Variants in BACH1 observed in about 807,000 individuals in gnomAD.
BACH1 encodes BTB domain and CNC homolog 1.
Under a neutral mutation model 52.9 loss-of-function variants are expected in BACH1, and 35 were observed. The observed-to-expected ratio is 0.66, with a 90% CI of 0.51 to 0.88. The LOEUF (loss-of-function observed/expected upper bound fraction) is 0.88, where lower values mean the gene tolerates loss of function less well. Ranked by LOEUF, BACH1 falls within the 40% of genes least tolerant of loss-of-function variation. The pLI, the probability that BACH1 is intolerant of heterozygous loss-of-function variation, is 0.00. For synonymous variants in BACH1, 321 were observed against 319.6 expected (o/e 1.00, Z -0.05); for missense variants, 808 against 872.6 (o/e 0.93, Z 0.93).
intron 4 of BACH1, among the ~76,000 whole-genome samples, chr21:29,336,331 C>G (rs1039019543): frequency 5.9e-5 from 9 of 152,164 alleles, no homozygotes; most frequent in African/African-American, 2.2e-4. Flanking sequence ...TTTAAACATT[C>G]ACTGGTGTTG....
chr21:29,306,169 A>AGTGTGTGTGTGT lies in BACH1; in HGVS notation c.-61+7247_-61+7258dup, dbSNP rs61571512. Among the ~76,000 whole-genome samples the AGTGTGTGTGTGT allele has an allele frequency of 1.5e-3, 218 of 141,282 alleles. 1 individual carries two copies. Among genetic ancestry groups the AGTGTGTGTGTGT allele is most frequent in the East Asian group, 7.7e-3 (36 of 4,682 alleles). The allele number at this position is 141,282 out of a possible 152,430, so 92.7% of individuals were successfully genotyped here. ...AGTAGGGAGAAGTTGGGTCAGGAAGAGTGTGTGTGTGTGTGTGTGTGTGTG... is the reference window on the plus strand; with the variant it reads ...AGTAGGGAGAAGTTGGGTCAGGAAGAGTGTGTGTGTGTGTGTGTGTGTGTGTGTGTGTGTGTG... On this transcript the variant is annotated intron_variant, in intron 1 of 4. Transcript: ENST00000286800.
At chr21:29,305,079 G>A (rs1288550375) in intron 1 of BACH1, 1 of 151,874 alleles carries the variant, frequency 6.6e-6, no homozygotes, top group Admixed American at 6.5e-5. Context: ...GTTTTTCTGA[G>A]GTGTATCTCA....
intron 2 of BACH1, among the ~76,000 whole-genome samples, chr21:29,324,449 C>T (rs1034576035): frequency 6.6e-6 from 1 of 151,946 alleles, no homozygotes; most frequent in African/African-American, 2.4e-5. Flanking sequence ...CAGTATATTA[C>T]CTCTTAGGAT....
chr21:29,321,523 T>G lies in BACH1; in HGVS notation c.234+9T>G, dbSNP rs1199889424. The G allele has an allele frequency of 1.2e-6, 2 of 1,606,452 alleles. No homozygotes were observed. The highest frequency in any genetic ancestry group is 8.5e-7 in the Non-Finnish European group (1 of 1,174,056). ...TTACTCTTCCAGAAGAGGTGAGAGA[T>G]CCATGTTTTTGGCAATTTTAATCTA... On this transcript the variant is annotated intron_variant, in intron 2 of 4. Coordinates refer to ENST00000286800, the MANE Select transcript of BACH1 (RefSeq NM_001186.4).
chr21:29,342,585 A>G lies in BACH1; in HGVS notation c.1963A>G (p.Lys655Glu). ...CCCACTTTCATTTTTAATTTCTGAA[A>G]AAGATAAAAGTACTCCTGATGGTGA... ...DCPLSFLISE[K>E]DKSTPDGELA... The change falls in exon 5 of 5, where the codon AAA (lysine) becomes GAA (glutamate). Residue 655 changes from lysine (K) to glutamate (E), a missense_variant. Physicochemically the swap from Lys to Glu is moderately conservative, Grantham distance 56. Coordinates refer to ENST00000286800, the MANE Select transcript of BACH1 (RefSeq NM_001186.4). 6.2e-7 allele frequency: 1 copy of G among 1,614,236 alleles called. No individual in the cohort carries two copies. The highest frequency in any genetic ancestry group is 8.5e-7 in the Non-Finnish European group (1 of 1,180,050).
rs1250115670 is a variant in BACH1 at position 29,321,419 on chromosome 21, G to A, written c.139G>A (p.Ala47Thr). The change falls in exon 2 of 5, where the codon GCT (alanine) becomes ACT (threonine). Residue 47 changes from alanine to threonine, a missense_variant. By Grantham distance (58) the Ala-to-Thr change is moderately conservative. Coordinates refer to ENST00000286800, the MANE Select transcript of BACH1 (RefSeq NM_001186.4). ...TIFVEGQRFR[A>T]HRSVLAACSS... ...CTTTGTGGAGGGACAGCGGTTCCGCGCTCACCGGTCCGTGCTGGCGGCATG... is the reference window on the plus strand; with the variant it reads ...CTTTGTGGAGGGACAGCGGTTCCGCACTCACCGGTCCGTGCTGGCGGCATG... 1.9e-6 allele frequency: 3 copies of A among 1,614,070 alleles called. No individual in the cohort carries two copies. The highest frequency in any genetic ancestry group is 2.5e-6 in the Non-Finnish European group (3 of 1,180,036).
At chr21:29,313,732 C>T (rs1045006633) in intron 1 of BACH1, among the ~76,000 whole-genome samples, 20 of 152,044 alleles carry the variant, frequency 1.3e-4, no homozygotes, top group African/African-American at 4.3e-4. Context: ...ATATGTGATT[C>T]TATTTGTATA....
intron 2 of BACH1, among the ~76,000 whole-genome samples, chr21:29,325,828 A>G (rs543627629): frequency 3.9e-5 from 6 of 152,332 alleles, no homozygotes; most frequent in African/African-American, 1.4e-4. Context: ...TTCATGTGCA[A>G]TTAAGAGAGG....
At position 29,342,857 on chromosome 21, in the gene BACH1, C is replaced by A; in HGVS notation, c.*24C>A. 6.5e-7 allele frequency: 1 copy of A among 1,545,144 alleles called. No individual in the cohort carries two copies. The highest frequency in any genetic ancestry group is 1.2e-5 in the South Asian group (1 of 81,786). ...AAACTTGCATTCACTTCCTTCAAAC[C>A]ATCTAATTTTCTCCTGAAGTTTTGG... On this transcript the variant is annotated 3_prime_UTR_variant, in exon 5 of 5. Transcript: ENST00000286800.
chr21:29,324,018 G>A (rs1163044226), intron 2 of BACH1, among the ~76,000 whole-genome samples: 4 of 152,116 alleles, frequency 2.6e-5, no homozygotes, highest in Admixed American at 2.0e-4. Flanking sequence ...TTGGGAGGGC[G>A]AGGCAGGCAG....
At chr21:29,349,297 C>T (rs932227556), downstream of BACH1, among the ~76,000 whole-genome samples, 24 of 152,102 alleles carry the variant, frequency 1.6e-4, no homozygotes, top group Non-Finnish European at 8.8e-5. Flanking sequence ...CTCTGTAGTA[C>T]GTTGGAACCC....
In BACH1 at chr21:29,342,704, A is replaced by AGGGC. The variant is rs2089129032; in HGVS notation, c.2083_2086dup (p.Gln696ArgfsTer13). ...GAAACAGTGAGCCTGGCTACGCGCG[A>AGGGC]GGGCAGGAGTCCCAGCAGATGTCCA... On this transcript the variant is annotated frameshift_variant, in exon 5 of 5. Coordinates refer to ENST00000286800, the MANE Select transcript of BACH1 (RefSeq NM_001186.4). LOFTEE classifies it low-confidence loss of function (END_TRUNC). 1 of 1,614,090 alleles carries AGGGC rather than the reference A, an allele frequency of 6.2e-7. No individual in the cohort carries two copies. Among genetic ancestry groups the AGGGC allele is most frequent in the African/African-American group, 1.3e-5 (1 of 74,942 alleles).
chr21:29,330,736 C>T (rs769357032), intron 4 of BACH1, among the ~76,000 whole-genome samples: 3 of 151,846 alleles, frequency 2.0e-5, no homozygotes, highest in East Asian at 1.9e-4. Context: ...AGTTTTCAAG[C>T]GTGAACATTC....
downstream of BACH1, among the ~76,000 whole-genome samples, chr21:29,347,017 CTTAAG>C (rs1276298931): frequency 6.6e-6 from 1 of 152,110 alleles, no homozygotes. Flanking sequence ...CCCAGATTGA[CTTAAG>C]TTATCGAAGG....
intron 2 of BACH1, among the ~76,000 whole-genome samples, chr21:29,358,429 T>C (rs946949941): frequency 6.6e-6 from 1 of 152,164 alleles, no homozygotes; most frequent in Non-Finnish European, 1.5e-5. Flanking sequence ...AAGATTTTTA[T>C]CATTATTTCT....
intron 1 of BACH1, among the ~76,000 whole-genome samples, chr21:29,317,873 A>G (rs2088806365): frequency 6.6e-6 from 1 of 152,180 alleles, no homozygotes; most frequent in Non-Finnish European, 1.5e-5. Flanking sequence ...TCTCTACTTT[A>G]TAGATGAGGG....
At chr21:29,304,783 C>T (rs1179583921) in intron 1 of BACH1, among the ~76,000 whole-genome samples, 1 of 152,168 alleles carries the variant, frequency 6.6e-6, no homozygotes, top group Non-Finnish European at 1.5e-5. Flanking sequence ...GCGACCTATC[C>T]ACCCAACTTC....
intron 4 of BACH1, among the ~76,000 whole-genome samples, chr21:29,338,509 G>C (rs2089071847): frequency 6.6e-6 from 1 of 152,082 alleles, no homozygotes; most frequent in African/African-American, 2.4e-5. Context: ...TGAGTAGCCA[G>C]GACTACAGGT....
chr21:29,351,897 A>G (rs1454799120), intron 2 of BACH1: 2 of 383,770 alleles, frequency 5.2e-6, no homozygotes, highest in Non-Finnish European at 1.0e-5. Flanking sequence ...CTGCCAGCAT[A>G]CTTAAAATAG....
Sources: gnomAD v4.1 joint callset for allele counts (sites outside exome capture counted in the v4.1 genomes callset) on GRCh38, gnomAD v4.1.1 for gene constraint, MANE v1.5 for transcripts, NCBI Gene and HGNC (gene_info 2026-07-23, HGNC 2026-07-21) for gene names.